HUWE1: variants seen among roughly 807,000 people sequenced by gnomAD.
The protein encoded by HUWE1 is E3 ubiquitin-protein ligase HUWE1.
HUWE1 carries 18 observed loss-of-function variants against 299.4 expected under a neutral mutation model. The ratio of observed to expected loss-of-function variants is 0.06; its 90% CI spans 0.04 to 0.09. HUWE1 has a LOEUF of 0.09. Ranked by LOEUF, HUWE1 falls within the 10% of genes least tolerant of loss-of-function variation. HUWE1 has a pLI of 1.00. For missense variants in HUWE1, 1,832 were observed against 3,462.3 expected (o/e 0.53, Z 11.82); for synonymous variants, 1,317 against 1,286.1 (o/e 1.02, Z -0.51).
chrX:53,541,877 A>C (rs1047264032), intron 74 of HUWE1, among the ~76,000 whole-genome samples: 2 of 111,556 alleles, frequency 1.8e-5, no homozygotes, highest in Admixed American at 1.9e-4. Flanking sequence ...ATAATAAAAC[A>C]AAAGATTTAA....
At chrX:53,535,640 T>C in intron 80 of HUWE1, 139 bp from the exon 81 acceptor site, 1 of 516,784 alleles carries the variant, frequency 1.9e-6, no homozygotes. Context: ...TGACTTTTTC[T>C]ACTACTCATA....
At chrX:53,623,069 G>C (rs1233254269) in intron 19 of HUWE1, among the ~76,000 whole-genome samples, 1 of 111,571 alleles carries the variant, frequency 9.0e-6, no homozygotes, top group Non-Finnish European at 1.9e-5. Context: ...ACTGACCTTT[G>C]ATTTAGTGCT....
At chrX:53,620,807 T>C (rs1402132554) in intron 19 of HUWE1, among the ~76,000 whole-genome samples, 4 of 111,524 alleles carry the variant, frequency 3.6e-5, no homozygotes, top group East Asian at 2.8e-4. Flanking sequence ...TCATTTGATA[T>C]TGGTGCGATC....
Position 53,683,251 on chromosome X carries a change from G to A in HUWE1, c.-163+3019C>T, listed in dbSNP as rs781819671. On this transcript the variant is annotated intron_variant, in intron 2 of 83. Transcript: ENST00000262854. ...CAACTATCCACGTAGATGAAGATTA[G>A]ATGGGACGACAGAATTAGGAGGGGT... is the stretch of plus-strand genomic sequence containing the variant. Among the ~76,000 whole-genome samples the A allele has an allele frequency of 7.5e-4, 83 of 111,070 alleles. 1 individual carries two copies. Among genetic ancestry groups the A allele is most frequent in the African/African-American group, 2.4e-3 (73 of 30,501 alleles).
chrX:53,588,103 CTCAAT>C (rs1569474370), intron 37 of HUWE1, among the ~76,000 whole-genome samples: 1 of 111,317 alleles, frequency 9.0e-6, no homozygotes, highest in Non-Finnish European at 1.9e-5. Context: ...ACAATTCTGA[CTCAAT>C]TCAATTAATG....
chrX:53,578,549 C>CCCGGCCAGCCGCCCCGT (rs2063345525), intron 43 of HUWE1, among the ~76,000 whole-genome samples: 1 of 96,270 alleles, frequency 1.0e-5, no homozygotes, highest in African/African-American at 4.0e-5. Context: ...CAGCCCCCCG[C>CCCGGCCAGCCGCCCCGT]CCGGCCAGCC....
intron 75 of HUWE1, among the ~76,000 whole-genome samples, chrX:53,539,360 T>G (rs1471086077): frequency 9.6e-6 from 1 of 104,374 alleles, no homozygotes; most frequent in Non-Finnish European, 2.0e-5. Context: ...AATGAGAACT[T>G]GCAGGGAAAT....
At chrX:53,628,925 C>CAT (rs781882314) in intron 13 of HUWE1, 23 bp from the exon 14 acceptor site, 6 of 1,149,382 alleles carry the variant, frequency 5.2e-6, no homozygotes, top group South Asian at 3.7e-5. Flanking sequence ...AAGGTAAACA[C>CAT]ATAATGTGTC....
At position 53,538,752 on chromosome X, in the gene HUWE1, T is replaced by TCTCTCA. The variant is rs782045103; in HGVS notation, c.11878+82_11878+83insTGAGAG. The TCTCTCA allele has an allele frequency of 3.6e-5, 33 of 917,135 alleles. No homozygotes were observed. The East Asian group carries it at 1.1e-3, about 30-fold the overall frequency. 75.6% of individuals were successfully genotyped at this position (917,135 alleles called of 1,213,427 possible). On this transcript the variant is annotated intron_variant, in intron 76 of 83. Transcript: ENST00000262854. ...CTCTCTCTCTCTCTCTCTCTCTCTC[T>TCTCTCA]CATCAACTAAGGATTAACTGTATGA... is the stretch of plus-strand genomic sequence containing the variant.
At chrX:53,601,717 G>A (rs1344003727) in intron 28 of HUWE1, among the ~76,000 whole-genome samples, 2 of 102,179 alleles carry the variant, frequency 2.0e-5, no homozygotes, top group East Asian at 3.1e-4. Flanking sequence ...TGCCCAGGCT[G>A]GAGTGCAATG....
intron 39 of HUWE1, 133 bp from the exon 40 acceptor site, chrX:53,585,321 A>G: frequency 1.6e-6 from 1 of 632,287 alleles, no homozygotes; most frequent in Non-Finnish European, 2.5e-6. Flanking sequence ...TTTAAAAACC[A>G]AAAGAACATT....
intron 75 of HUWE1, among the ~76,000 whole-genome samples, chrX:53,539,323 A>AG (rs1446402288): frequency 9.8e-6 from 1 of 102,059 alleles, no homozygotes; most frequent in Non-Finnish European, 2.0e-5. Flanking sequence ...TCTGATTTAA[A>AG]AAAAAAAAAA....
At chrX:53,578,354 G>A (rs1477547533) in intron 43 of HUWE1, among the ~76,000 whole-genome samples, 1 of 85,886 alleles carries the variant, frequency 1.2e-5, no homozygotes, top group Admixed American at 1.1e-4. Context: ...GGAGGGAGGT[G>A]GGGGGGGGTC....
In HUWE1 at chrX:53,583,545, A is replaced by C. The variant is rs1556970023; in HGVS notation, c.5520+13T>G. ...GTAAAGCTAAACCAGAATCTGATAC[A>C]AAACACACTCACCTTTTCCATGGTA... On this transcript the variant is annotated intron_variant, in intron 42 of 83. Coordinates refer to ENST00000262854, the MANE Select transcript of HUWE1 (RefSeq NM_031407.7). The C allele has an allele frequency of 8.9e-7, 1 of 1,129,762 alleles. No homozygotes were observed. The highest frequency in any genetic ancestry group is 1.8e-5 in the African/African-American group (1 of 56,089). The allele number at this position is 1,129,762 out of a possible 1,213,427, so 93.1% of individuals were successfully genotyped here.
chrX:53,591,151 C>G lies in HUWE1; in HGVS notation c.3973-29G>C, dbSNP rs782588419. On this transcript the variant is annotated intron_variant, in intron 33 of 83. Transcript: ENST00000262854. Reference sequence around the variant, plus strand: ...CATAAAGAATGCAAGGGCTCAGAATCACATAACGGAAATCCAAATACATTT... The same window carrying G: ...CATAAAGAATGCAAGGGCTCAGAATGACATAACGGAAATCCAAATACATTT... 13 of 1,201,731 alleles carry G rather than the reference C, an allele frequency of 1.1e-5. No homozygotes were observed. The South Asian group carries it at 1.8e-4, about 17-fold the overall frequency.
At position 53,577,004 on chromosome X, in the gene HUWE1, G is replaced by C; in HGVS notation, c.5780C>G (p.Thr1927Ser). The C allele has an allele frequency of 8.3e-7, 1 of 1,206,269 alleles. No homozygotes were observed. The highest frequency in any genetic ancestry group is 1.1e-6 in the Non-Finnish European group (1 of 890,694). ...KGPNAVQLVK[T>S]TPLKPSPLPV... ...CAGAGGTGAGGGCTTCAAAGGGGTGGTCTTCACCAGCTGTACAGCATTAGG... is the reference window on the plus strand; with the variant it reads ...CAGAGGTGAGGGCTTCAAAGGGGTGCTCTTCACCAGCTGTACAGCATTAGG... The change falls in exon 44 of 84, where the codon ACC becomes AGC. Residue 1927 changes from threonine (T) to serine (S), a missense_variant. Transcript: ENST00000262854.
At chrX:53,656,514 C>G (rs1330087591) in intron 3 of HUWE1, among the ~76,000 whole-genome samples, 1 of 96,104 alleles carries the variant, frequency 1.0e-5, no homozygotes, top group Non-Finnish European at 2.0e-5. Flanking sequence ...TGCACTCCAG[C>G]CTGGGTGACA....
intron 44 of HUWE1, among the ~76,000 whole-genome samples, chrX:53,576,164 G>T (rs945864839): frequency 8.9e-6 from 1 of 111,917 alleles, no homozygotes; most frequent in African/African-American, 3.3e-5. Context: ...ATTCTATATG[G>T]ATCAGGGTTC....
In HUWE1 at chrX:53,533,415, AG is replaced by A; in HGVS notation, c.13023-5del. 8.6e-7 allele frequency: 1 copy of A among 1,162,351 alleles called. No homozygotes were observed. The highest frequency in any genetic ancestry group is 1.2e-6 in the Non-Finnish European group (1 of 852,730). The stretch of plus-strand genomic sequence containing the variant: ...AGGCAGATCCAGCTGATTAAAACTA[AG>A]GAAAGAAGAAAGATCAGTTTGTGGT... On this transcript the variant is annotated splice_region_variant and splice_polypyrimidine_tract_variant and intron_variant, in intron 83 of 83. Transcript: ENST00000262854.
Sources: gnomAD v4.1 joint callset for allele counts (sites outside exome capture counted in the v4.1 genomes callset) on GRCh38, gnomAD v4.1.1 for gene constraint, MANE v1.5 for transcripts, NCBI Gene and HGNC (gene_info 2026-07-23, HGNC 2026-07-21) for gene names.